MRTFB: variants seen among roughly 807,000 people sequenced by gnomAD.
MRTFB encodes the protein myocardin related transcription factor B, also known as myocardin-related transcription factor B.
In MRTFB, 29 loss-of-function variants were observed where a neutral mutation model predicts 104.2. The ratio of observed to expected loss-of-function variants is 0.28; its 90% confidence interval spans 0.21 to 0.38. The LOEUF (loss-of-function observed/expected upper bound fraction) is 0.38, where lower values mean the gene tolerates loss of function less well. Among genes scored for constraint, MRTFB ranks in the 10% least tolerant of loss-of-function variants. MRTFB has a pLI of 1.00. For synonymous variants in MRTFB, 535 were observed against 519.5 expected, an observed-to-expected ratio of 1.03 and a Z score of -0.41; for missense variants, 1,270 against 1,341.6, an observed-to-expected ratio of 0.95 and a Z score of 0.83.
chr16:14,129,516 A>G lies in MRTFB; in HGVS notation c.-63-11028A>G, dbSNP rs534450826. Among the ~76,000 whole-genome samples, 8 of 152,330 alleles carry G rather than the reference A, an allele frequency of 5.3e-5. No homozygotes were observed. In the South Asian group the frequency reaches 1.0e-3, roughly 20 times the overall value. The stretch of plus-strand genomic sequence containing the variant: ...ATGCTGCTATGAATATTTGCCTGCA[A>G]ATTTTCAGATGGACATATGTTTTTA... On this transcript the variant is annotated intron_variant, in intron 2 of 16. Transcript: ENST00000571589.
At chr16:14,152,329 T>A (rs1258051444) in intron 3 of MRTFB, 1 of 151,898 alleles carries the variant, frequency 6.6e-6, no homozygotes, top group Non-Finnish European at 1.5e-5. Flanking sequence ...TATATATAAA[T>A]ATATACATAT....
intron 6 of MRTFB, among the ~76,000 whole-genome samples, chr16:14,215,875 G>C (rs2041397842): frequency 6.6e-6 from 1 of 152,196 alleles, no homozygotes; most frequent in South Asian, 2.1e-4. Context: ...TAAAATCCTA[G>C]ATGTTGCAAT....
At chr16:14,001,443 A>G in the MRTFB span, among the ~76,000 whole-genome samples, 5 of 152,212 alleles carry the variant, frequency 3.3e-5, no homozygotes, top group African/African-American at 1.2e-4. Context: ...GCCTCTTTGC[A>G]TCTCACTACC....
At chr16:14,050,241 A>G in the MRTFB span, among the ~76,000 whole-genome samples, 1 of 152,248 alleles carries the variant, frequency 6.6e-6, no homozygotes, top group African/African-American at 2.4e-5. Context: ...TATATAAGAG[A>G]TTATTTTACA....
At chr16:14,172,224 G>T (rs566438433) in intron 3 of MRTFB, among the ~76,000 whole-genome samples, 2 of 151,156 alleles carry the variant, frequency 1.3e-5, no homozygotes, top group African/African-American at 2.4e-5. Flanking sequence ...TTCCTTCCCC[G>T]CCTCCCCCCC....
chr16:14,239,369 T>C (rs1449712313), intron 9 of MRTFB, among the ~76,000 whole-genome samples: 2 of 152,250 alleles, frequency 1.3e-5, no homozygotes, highest in African/African-American at 4.8e-5. Context: ...TTTATTCTTC[T>C]TTGGTTGCAG....
chr16:14,098,384 C>G (rs1038524956), intron 2 of MRTFB, among the ~76,000 whole-genome samples: 2 of 152,080 alleles, frequency 1.3e-5, no homozygotes, highest in Admixed American at 6.5e-5. Flanking sequence ...GGTAAAGTAT[C>G]AAATCTTTTA....
rs1160056507 is a variant in MRTFB, at chr16:14,263,465, ATCT to A, written c.*2027_*2029del. 3.9e-5 allele frequency: 6 copies of A among 152,358 alleles called. No individual in the cohort carries two copies. Among genetic ancestry groups the A allele is most frequent in the African/African-American group, 1.2e-4 (5 of 41,588 alleles). 9.4% of individuals were successfully genotyped at this position (152,358 alleles called of 1,614,324 possible). On this transcript the variant is annotated 3_prime_UTR_variant, in exon 17 of 17. Transcript: ENST00000571589. ...TCAGGTCCATACTTAGACCCTGAGC[ATCT>A]TCTTCATTCAGATTTGAATGGCTTA... is the stretch of plus-strand genomic sequence containing the variant.
chr16:14,087,112 G>T (rs1376641694), intron 2 of MRTFB, among the ~76,000 whole-genome samples: 1 of 152,194 alleles, frequency 6.6e-6, no homozygotes, highest in East Asian at 1.9e-4. Flanking sequence ...CTTGTATGCA[G>T]TACAGAGAAT....
At chr16:14,133,095 G>A (rs866960362) in intron 2 of MRTFB, among the ~76,000 whole-genome samples, 13 of 152,204 alleles carry the variant, frequency 8.5e-5, no homozygotes, top group Non-Finnish European at 1.6e-4. Context: ...GATGCATTCT[G>A]TACTCAAGAG....
chr16:14,247,563 C>G (rs2043077167), intron 12 of MRTFB, 56 bp downstream of exon 12: 2 of 1,466,354 alleles, frequency 1.4e-6, no homozygotes, highest in African/African-American at 1.4e-5. Context: ...AATGCAAACC[C>G]TGCTAAGGAA....
chr16:14,105,981 A>G (rs540681054), intron 2 of MRTFB, among the ~76,000 whole-genome samples: 30 of 152,310 alleles, frequency 2.0e-4, no homozygotes, highest in Non-Finnish European at 3.8e-4. Flanking sequence ...GAATTGTTGA[A>G]AGTTATGGTG....
chr16:14,092,519 C>T (rs993464419), intron 2 of MRTFB, among the ~76,000 whole-genome samples: 66 of 152,164 alleles, frequency 4.3e-4, no homozygotes, highest in African/African-American at 1.4e-3. Flanking sequence ...TGAAATTGTG[C>T]CTTTTCTTTC....
chr16:14,049,704 A>G, the MRTFB span, among the ~76,000 whole-genome samples: 109 of 152,320 alleles, frequency 7.2e-4, no homozygotes, highest in African/African-American at 2.6e-3. Context: ...TATGGAAGAG[A>G]ATGTCCTGTT....
intron 8 of MRTFB, among the ~76,000 whole-genome samples, chr16:14,233,458 G>T (rs1217953223): frequency 6.6e-6 from 1 of 151,980 alleles, no homozygotes; most frequent in Non-Finnish European, 1.5e-5. Flanking sequence ...GATCAGCCAG[G>T]GTCAGCATGA....
At chr16:14,080,003 C>A (rs569650432) in intron 2 of MRTFB, among the ~76,000 whole-genome samples, 1 of 152,128 alleles carries the variant, frequency 6.6e-6, no homozygotes, top group South Asian at 2.1e-4. Context: ...TGGAAAGATA[C>A]GCGTAATCCT....
At chr16:14,224,905 C>G (rs1184511773) in intron 8 of MRTFB, among the ~76,000 whole-genome samples, 1 of 152,186 alleles carries the variant, frequency 6.6e-6, no homozygotes, top group Non-Finnish European at 1.5e-5. Flanking sequence ...ATAAAATTGG[C>G]TGGGCACGGT....
chr16:14,120,763 T>G (rs2036804374), intron 2 of MRTFB, among the ~76,000 whole-genome samples: 1 of 152,124 alleles, frequency 6.6e-6, no homozygotes, highest in African/African-American at 2.4e-5. Context: ...ACTTAGTGTG[T>G]GGGGGATAGA....
chr16:14,072,560 C>T (rs2033776334), intron 1 of MRTFB, among the ~76,000 whole-genome samples: 1 of 152,188 alleles, frequency 6.6e-6, no homozygotes, highest in South Asian at 2.1e-4. Flanking sequence ...TGGCGCACAC[C>T]TGTAGTCTCA....
Sources: allele counts gnomAD v4.1 joint callset (sites outside exome capture counted in the v4.1 genomes callset), GRCh38; gene constraint gnomAD v4.1.1; transcripts MANE v1.5; gene names NCBI Gene and HGNC (gene_info 2026-07-23, HGNC 2026-07-21).